Variants in CERS1 observed in about 807,000 individuals in gnomAD.
CERS1 encodes ceramide synthase 1, also known as Embryonic growth/differentiation factor 1.
A neutral mutation model predicts 35.7 loss-of-function variants in CERS1; 16 were observed. That is an observed-to-expected ratio of 0.45 (90% CI 0.30 to 0.68). The LOEUF is 0.68. CERS1 is among the 30% of genes least tolerant of loss of function. The pLI, the probability that CERS1 is intolerant of heterozygous loss-of-function variation, is 0.08. For synonymous variants in CERS1, 243 were observed against 201.6 expected, an observed-to-expected ratio of 1.21 and a Z score of -1.74; for missense variants, 454 against 453.9, an observed-to-expected ratio of 1.00 and a Z score of 0.00.
At chr19:18,888,389 G>A (rs962421662) in intron 2 of CERS1, among the ~76,000 whole-genome samples, 10 of 149,834 alleles carry the variant, frequency 6.7e-5, no homozygotes, top group Admixed American at 4.7e-4. Flanking sequence ...GTGGTGGCTC[G>A]TGCCTGTAAT....
At chr19:18,880,798 A>G (rs2056185937) in intron 3 of CERS1, among the ~76,000 whole-genome samples, 1 of 151,982 alleles carries the variant, frequency 6.6e-6, no homozygotes, top group Non-Finnish European at 1.5e-5. Context: ...CCTAGGCTCA[A>G]GTGATCCTCC....
intron 2 of CERS1, among the ~76,000 whole-genome samples, chr19:18,887,345 C>T (rs2056385613): frequency 6.6e-6 from 1 of 152,058 alleles, no homozygotes; most frequent in African/African-American, 2.4e-5. Flanking sequence ...CTGCCAGGGG[C>T]TGGGGGAGAG....
intron 2 of CERS1, among the ~76,000 whole-genome samples, chr19:18,888,818 G>A (rs529098732): frequency 6.6e-5 from 10 of 150,572 alleles, no homozygotes; most frequent in African/African-American, 1.2e-4. Context: ...CAACAAGAGC[G>A]AAACTCTGTC....
At chr19:18,879,435 C>G in intron 4 of CERS1, 47 bp from the exon 5 acceptor site, 1 of 1,543,460 alleles carries the variant, frequency 6.5e-7, no homozygotes. Context: ...GGGACGGTGC[C>G]CTACCCAGTC....
intron 7 of CERS1, 89 bp downstream of exon 7, chr19:18,869,894 G>C: frequency 7.6e-7 from 1 of 1,317,344 alleles, no homozygotes. Context: ...GACCCTCGGA[G>C]CTGCTCGGGC....
At chr19:18,891,859 G>C (rs576357348) in intron 2 of CERS1, among the ~76,000 whole-genome samples, 3 of 147,928 alleles carry the variant, frequency 2.0e-5, no homozygotes, top group African/African-American at 7.5e-5. Context: ...GTGTGAGCCA[G>C]TGAGCCACCA....
intron 2 of CERS1, among the ~76,000 whole-genome samples, chr19:18,886,840 C>G (rs534729528): frequency 5.7e-4 from 87 of 152,366 alleles, no homozygotes; most frequent in African/African-American, 2.1e-3. Flanking sequence ...GGACCCCCAT[C>G]CAGGGTCCCC....
At position 18,869,079 on chromosome 19, in the gene CERS1, G is replaced by A. The variant is rs1048221173; in HGVS notation, c.*906C>T. 2 of 1,060,872 alleles carry A rather than the reference G, an allele frequency of 1.9e-6. No homozygotes were observed. The highest frequency in any genetic ancestry group is 2.3e-6 in the Non-Finnish European group (2 of 879,242). 65.7% of individuals were successfully genotyped at this position (1,060,872 alleles called of 1,614,324 possible). A position where few individuals can be genotyped will look rare whatever the true frequency, so the allele number is the denominator to read the frequency against. On this transcript the variant is annotated 3_prime_UTR_variant, in exon 8 of 8. Transcript: ENST00000623882. ...GGGCGTAGCGCCAGCGCCAGGCGGA[G>A]GCTGCGCGGCCATGAGGCGTTGCGA... is the stretch of plus-strand genomic sequence containing the variant.
chr19:18,870,404 T>C lies in CERS1; in HGVS notation c.*173A>G, dbSNP rs1482088606. The C allele has an allele frequency of 7.6e-7, 1 of 1,314,302 alleles. No homozygotes were observed. 81.4% of individuals were successfully genotyped at this position (1,314,302 alleles called of 1,614,324 possible). ...GCCGGTGTCCCCGGAGGGGCAGGGG[T>C]CCTGGGGGGCGTGGCCGGGAACTGG... On this transcript the variant is annotated 3_prime_UTR_variant, in exon 7 of 8. Coordinates refer to ENST00000623882, the MANE Select transcript of CERS1 (RefSeq NM_021267.5). The surrounding 1 kb of genome is among the most constrained non-coding windows in gnomAD (Gnocchi z 5.1).
chr19:18,893,564 C>T lies in CERS1; in HGVS notation c.261G>A (p.Lys87=). 1.2e-6 allele frequency: 2 copies of T among 1,608,832 alleles called. No homozygotes were observed. The highest frequency in any genetic ancestry group is 2.2e-5 in the South Asian group (2 of 90,088). Residue 87 remains lysine, a synonymous_variant, in exon 2 of 8, where the codon AAG becomes AAA. Coordinates refer to ENST00000623882, the MANE Select transcript of CERS1 (RefSeq NM_021267.5). Reference sequence around the variant, plus strand: ...CATCTCTGGGCTGGAGGCAGCACCGCTTCGCCAGGGGCTATGGGGGAGAAG... The same window carrying T: ...CATCTCTGGGCTGGAGGCAGCACCGTTTCGCCAGGGGCTATGGGGGAGAAG... ...ATARLFRPLA[K]RCCLQPRDAA... is the part of the protein sequence containing the mutation.
chr19:18,896,339 C>T (rs952867637), upstream of CERS1, among the ~76,000 whole-genome samples: 1 of 151,200 alleles, frequency 6.6e-6, no homozygotes, highest in African/African-American at 2.4e-5. The surrounding 1 kb of genome is among the most constrained non-coding windows in gnomAD (Gnocchi z 5.9). Context: ...GAGCTGGGGG[C>T]CCGTTGGACC....
In CERS1 at chr19:18,868,907, C is replaced by A. The variant is rs1219700063; in HGVS notation, c.*1078G>T. The A allele has an allele frequency of 4.3e-6, 6 of 1,379,540 alleles. No individual in the cohort carries two copies. Among genetic ancestry groups the A allele is most frequent in the Non-Finnish European group, 5.7e-6 (6 of 1,057,602 alleles). 85.5% of individuals were successfully genotyped at this position (1,379,540 alleles called of 1,614,324 possible). ...CTCGCGGAAGCTCACGTACAGCCGC[C>A]GCGCGCGACAAGCGCCCCCGGGGCC... On this transcript the variant is annotated 3_prime_UTR_variant, in exon 8 of 8. Coordinates refer to ENST00000623882, the MANE Select transcript of CERS1 (RefSeq NM_021267.5).
rs1042830838 is a variant in CERS1, at chr19:18,870,844, T to A, written c.1011-225A>T. Among the ~76,000 whole-genome samples the A allele has an allele frequency of 4.0e-5, 6 of 151,642 alleles. No individual in the cohort carries two copies. Among genetic ancestry groups the A allele is most frequent in the African/African-American group, 1.5e-4 (6 of 41,180 alleles). ...GGCACGTATGTCCCCCCTGGCACCC[T>A]GGCACTTCCTCCTTGCTTCCCCCTC... On this transcript the variant is annotated intron_variant, in intron 6 of 7. Transcript: ENST00000623882. This position sits in a 1 kb window ranked among gnomAD's most constrained non-coding sequence, Gnocchi z 5.1.
In CERS1 at chr19:18,877,871, C is replaced by T. The variant is rs575601080; in HGVS notation, c.1010+1059G>A. 3.1e-4 allele frequency: 223 copies of T among 713,860 alleles called. No individual in the cohort carries two copies. In the African/African-American group the frequency reaches 4.1e-3, roughly 13 times the overall value. The allele number at this position is 713,860 out of a possible 1,614,324, so 44.2% of individuals were successfully genotyped here. A position where few individuals can be genotyped will look rare whatever the true frequency, so the allele number is the denominator to read the frequency against. ...GCCAGAACCCATGTGACCCTCTGCC[C>T]CAATCCCATCTCAGTCAATACCAGC... On this transcript the variant is annotated intron_variant, in intron 6 of 7. Transcript: ENST00000623882.
Position 18,868,768 on chromosome 19 carries a change from G to C in CERS1, c.*1217C>G. 1 of 1,478,900 alleles carries C rather than the reference G, an allele frequency of 6.8e-7. No individual in the cohort carries two copies. Among genetic ancestry groups the C allele is most frequent in the Non-Finnish European group, 9.0e-7 (1 of 1,107,900 alleles). The allele number at this position is 1,478,900 out of a possible 1,614,324, so 91.6% of individuals were successfully genotyped here. ...GCATGAGCGCGCGCAGCACAGCGTG[G>C]TTGAGCGCCGGCGGCCCCCCGGACC... On this transcript the variant is annotated 3_prime_UTR_variant, in exon 8 of 8. Transcript: ENST00000623882.
Position 18,878,941 on chromosome 19 carries a change from G to GGGCTT in CERS1, c.994_998dup (p.Lys335ProfsTer8). ...CCCTCCACACTCACTCGGCTTTGCT[G>GGGCTT]GGCTTCAGGCTCTGGGCCTCGGCTG... On this transcript the variant is annotated frameshift_variant, in exon 6 of 8. Transcript: ENST00000623882. LOFTEE classifies it high-confidence loss of function. The surrounding 1 kb of genome is among the most constrained non-coding windows in gnomAD (Gnocchi z 4.6). 1 of 1,613,680 alleles carries GGGCTT rather than the reference G, an allele frequency of 6.2e-7. No homozygotes were observed. The highest frequency in any genetic ancestry group is 8.5e-7 in the Non-Finnish European group (1 of 1,179,836).
At chr19:18,869,419 CGCGCT>C in intron 7 of CERS1, 29 bp from the exon 8 acceptor site, 1 of 1,524,174 alleles carries the variant, frequency 6.6e-7, no homozygotes, top group Non-Finnish European at 8.8e-7. Flanking sequence ...GAACTCGGCT[CGCGCT>C]GCGTCCCCGG....
Position 18,882,693 on chromosome 19 carries a change from ACG to A in CERS1, c.590+1392_590+1393del, listed in dbSNP as rs879390964. On this transcript the variant is annotated intron_variant, in intron 3 of 7. Transcript: ENST00000623882. ...AGTAATTTTAAAAATGTATTTATGT[ACG>A]TGTTTGTTTATTTTTGAGACGGAGT... 5.5e-3 allele frequency among the ~76,000 whole-genome samples: 817 copies of A among 148,986 alleles called. 1 individual carries two copies. The highest frequency in any genetic ancestry group is 0.024 in the Middle Eastern group (7 of 290).
chr19:18,874,824 G>A (rs2056033642), intron 6 of CERS1, among the ~76,000 whole-genome samples: 1 of 152,222 alleles, frequency 6.6e-6, no homozygotes, highest in African/African-American at 2.4e-5. Context: ...CAGCAATGGG[G>A]TGAGATGGGG....
Sources: allele counts gnomAD v4.1 joint callset (sites outside exome capture counted in the v4.1 genomes callset), GRCh38; gene constraint gnomAD v4.1.1; non-coding constraint Gnocchi (gnomAD v3.1); transcripts MANE v1.5; gene names NCBI Gene and HGNC (gene_info 2026-07-23, HGNC 2026-07-21).